The following VPS13B variants were observed in gnomAD, a reference collection of about 807,000 sequenced individuals.
VPS13B encodes intermembrane lipid transfer protein VPS13B.
VPS13B carries 285 observed loss-of-function variants against 426.4 expected under a neutral mutation model. The ratio of observed to expected loss-of-function variants is 0.67; its 90% CI spans 0.61 to 0.74. The LOEUF (loss-of-function observed/expected upper bound fraction) is 0.74. Ranked by LOEUF, VPS13B falls within the 30% of genes least tolerant of loss-of-function variation. The pLI is 0.00. For missense variants in VPS13B, 4,537 were observed against 4,782.6 expected (o/e 0.95, Z 1.51); for synonymous variants, 1,676 against 1,676.4 (o/e 1.00, Z 0.01).
At chr8:99,684,376 AAG>A (rs569559951) in intron 35 of VPS13B, among the ~76,000 whole-genome samples, 81 of 152,360 alleles carry the variant, frequency 5.3e-4, no homozygotes, top group African/African-American at 1.8e-3. Flanking sequence ...GAAGAAAAGA[AAG>A]AAGGAAAACA....
intron 36 of VPS13B, among the ~76,000 whole-genome samples, chr8:99,701,181 T>C (rs938346570): frequency 1.3e-5 from 2 of 152,208 alleles, no homozygotes; most frequent in African/African-American, 4.8e-5. Context: ...TTTAATTGTC[T>C]TAAAAGTTAC....
At chr8:99,604,495 GT>G (rs767971168) in intron 33 of VPS13B, among the ~76,000 whole-genome samples, 1,728 of 115,288 alleles carry the variant, frequency 0.015, 12 homozygotes, top group African/African-American at 0.053. Flanking sequence ...TTTCCTTGGT[GT>G]TTTTTTTTTT....
chr8:99,654,325 G>A (rs920204498), intron 34 of VPS13B, among the ~76,000 whole-genome samples: 1 of 152,062 alleles, frequency 6.6e-6, no homozygotes, highest in Non-Finnish European at 1.5e-5. Flanking sequence ...TGGGATTACA[G>A]GCGTGAGCCA....
chr8:99,219,674 T>G (rs1184820089), intron 17 of VPS13B, among the ~76,000 whole-genome samples: 7 of 152,298 alleles, frequency 4.6e-5, no homozygotes, highest in Admixed American at 3.9e-4. Flanking sequence ...CTAGTCCGCT[T>G]CTGTGATAAC....
chr8:99,484,553 T>A (rs1004574117), intron 25 of VPS13B, among the ~76,000 whole-genome samples: 1 of 152,124 alleles, frequency 6.6e-6, no homozygotes, highest in Non-Finnish European at 1.5e-5. Flanking sequence ...GGCAGGAAGA[T>A]TTTTATGAAG....
intron 40 of VPS13B, among the ~76,000 whole-genome samples, chr8:99,772,771 A>G (rs919856928): frequency 6.6e-6 from 1 of 152,196 alleles, no homozygotes; most frequent in Non-Finnish European, 1.5e-5. Context: ...GAAAACAACC[A>G]TTGTAAGGAG....
At chr8:99,371,952 G>T (rs1464761017) in intron 19 of VPS13B, among the ~76,000 whole-genome samples, 1 of 152,060 alleles carries the variant, frequency 6.6e-6, no homozygotes, top group Non-Finnish European at 1.5e-5. Flanking sequence ...CAGGACATAG[G>T]CATGGGCAAA....
chr8:99,388,139 G>T lies in VPS13B; in HGVS notation c.2935-3418G>T, dbSNP rs548399506. Among the ~76,000 whole-genome samples, 445 of 152,222 alleles carry T rather than the reference G, an allele frequency of 2.9e-3. 6 individuals are homozygous for T. The highest frequency in any genetic ancestry group is 6.5e-4 in the Non-Finnish European group (44 of 68,012). ...AATTTCCCAATGATGTATGCAATAT[G>T]AGGGCACTTATATATATTTTTCTAA... On this transcript the variant is annotated intron_variant, in intron 20 of 61. Coordinates refer to ENST00000357162, the MANE Select transcript of VPS13B (RefSeq NM_152564.5).
chr8:99,303,923 T>G (rs1299957033), intron 19 of VPS13B, among the ~76,000 whole-genome samples: 1 of 152,108 alleles, frequency 6.6e-6, no homozygotes, highest in Non-Finnish European at 1.5e-5. Flanking sequence ...CTCCATAGCT[T>G]CTTTTGTAGT....
At chr8:99,802,904 C>T (rs966570316) in intron 43 of VPS13B, among the ~76,000 whole-genome samples, 1 of 152,152 alleles carries the variant, frequency 6.6e-6, no homozygotes, top group Non-Finnish European at 1.5e-5. Flanking sequence ...CTCTGTGTAC[C>T]TCCATTTGTT....
In VPS13B at chr8:99,192,764, A is replaced by G. The variant is rs1458280326; in HGVS notation, c.2334-112A>G. The stretch of plus-strand genomic sequence containing the variant: ...TATTTTGTTTAAGTAGTATGTTTGC[A>G]TACATACTTTGGATGTATACCCTTT... On this transcript the variant is annotated intron_variant, in intron 16 of 61. Transcript: ENST00000357162. The G allele has an allele frequency of 6.4e-6, 7 of 1,097,736 alleles. No individual in the cohort carries two copies. The East Asian group carries it at 1.2e-4, about 19-fold the overall frequency. The allele number at this position is 1,097,736 out of a possible 1,614,324, so 68.0% of individuals were successfully genotyped here. A position where few individuals can be genotyped will look rare whatever the true frequency, so the allele number is the denominator to read the frequency against.
chr8:99,401,461 CA>C (rs1485355817), intron 21 of VPS13B, among the ~76,000 whole-genome samples: 1 of 152,156 alleles, frequency 6.6e-6, no homozygotes, highest in Non-Finnish European at 1.5e-5. Context: ...GAGCCCTTGG[CA>C]ATTCTTTCTT....
At chr8:99,254,475 A>G (rs949683716) in intron 17 of VPS13B, among the ~76,000 whole-genome samples, 2 of 149,414 alleles carry the variant, frequency 1.3e-5, no homozygotes, top group Admixed American at 6.6e-5. Flanking sequence ...TTTTTCTTTT[A>G]TTTTCAAAAG....
chr8:99,499,533 G>A (rs572706620), intron 25 of VPS13B, among the ~76,000 whole-genome samples: 3 of 152,120 alleles, frequency 2.0e-5, no homozygotes, highest in African/African-American at 7.2e-5. Context: ...CATAAAGAAA[G>A]GCTATATATA....
Position 99,121,170 on chromosome 8 carries a change from T to A in VPS13B, c.938-7T>A, listed in dbSNP as rs200067547. 4.3e-6 allele frequency: 7 copies of A among 1,610,880 alleles called. No individual in the cohort carries two copies. The African/African-American group carries it at 5.3e-5, about 12-fold the overall frequency. Reference sequence around the variant, plus strand: ...CTTATTTAAAATGACTTAATTTTAATTGATAGGTTCTGAAGATGAAACAAG... The same window carrying A: ...CTTATTTAAAATGACTTAATTTTAAATGATAGGTTCTGAAGATGAAACAAG... On this transcript the variant is annotated splice_region_variant and splice_polypyrimidine_tract_variant and intron_variant, in intron 7 of 61. Transcript: ENST00000357162.
At chr8:99,175,927 A>C (rs541028732) in intron 16 of VPS13B, among the ~76,000 whole-genome samples, 4 of 152,316 alleles carry the variant, frequency 2.6e-5, no homozygotes, top group African/African-American at 9.6e-5. Flanking sequence ...GTACTACTAT[A>C]ATAATTTCGT....
Position 99,876,602 on chromosome 8 carries a change from T to G in VPS13B, c.*936T>G, listed in dbSNP as rs1273124677. On this transcript the variant is annotated 3_prime_UTR_variant, in exon 62 of 62. Transcript: ENST00000357162. ...TAACAATTATACCAGTCCATTTTGT[T>G]TATTCTGTGGAATTGACTTGACAAA... 6.6e-6 allele frequency: 1 copy of G among 152,222 alleles called. No individual in the cohort carries two copies. The highest frequency in any genetic ancestry group is 2.4e-5 in the African/African-American group (1 of 41,454). The allele number at this position is 152,222 out of a possible 1,614,324, so 9.4% of individuals were successfully genotyped here. A position where few individuals can be genotyped will look rare whatever the true frequency, so the allele number is the denominator to read the frequency against.
chr8:99,578,964 A>G (rs1478913885), intron 33 of VPS13B, among the ~76,000 whole-genome samples: 1 of 152,180 alleles, frequency 6.6e-6, no homozygotes, highest in African/African-American at 2.4e-5. Flanking sequence ...ATCATTACTG[A>G]CAATTCCGTA....
At chr8:99,822,816 A>T (rs1814454251) in intron 50 of VPS13B, among the ~76,000 whole-genome samples, 2 of 152,190 alleles carry the variant, frequency 1.3e-5, no homozygotes, top group Admixed American at 1.3e-4. Context: ...AAACACAAGA[A>T]TATACAAATA....
Sources: allele counts gnomAD v4.1 joint callset (sites outside exome capture counted in the v4.1 genomes callset), GRCh38; gene constraint gnomAD v4.1.1; transcripts MANE v1.5; gene names NCBI Gene and HGNC (gene_info 2026-07-23, HGNC 2026-07-21).